ARHGAP12: variants seen among roughly 807,000 people sequenced by gnomAD.
The protein encoded by ARHGAP12 is rho GTPase-activating protein 12.
A neutral mutation model predicts 108.6 loss-of-function variants in ARHGAP12; 64 were observed. The ratio of observed to expected loss-of-function variants is 0.59; its 90% CI spans 0.48 to 0.73. The LOEUF (loss-of-function observed/expected upper bound fraction) is 0.73. Ranked by LOEUF, ARHGAP12 falls within the 30% of genes least tolerant of loss-of-function variation. The pLI is 0.00. For synonymous variants in ARHGAP12, 312 were observed against 337.2 expected (o/e 0.93, Z 0.82); for missense variants, 940 against 1,005.9 (o/e 0.93, Z 0.89).
chr10:31,843,419 A>G, intron 7 of ARHGAP12, 42 bp downstream of exon 7: 1 of 1,579,280 alleles, frequency 6.3e-7, no homozygotes, highest in South Asian at 1.2e-5. Flanking sequence ...TTCACTGTAC[A>G]ATATAATGCA....
intron 1 of ARHGAP12, among the ~76,000 whole-genome samples, chr10:31,921,394 TGC>T (rs1179276263): frequency 6.6e-6 from 1 of 152,156 alleles, no homozygotes; most frequent in Non-Finnish European, 1.5e-5. Context: ...CAGCACTAAA[TGC>T]CAGAAAAAAC....
chr10:31,865,410 G>A (rs1837285740), intron 3 of ARHGAP12, among the ~76,000 whole-genome samples: 1 of 152,214 alleles, frequency 6.6e-6, no homozygotes, highest in East Asian at 1.9e-4. Context: ...TTGTTTTACC[G>A]TGTGTGTAGT....
intron 10 of ARHGAP12, among the ~76,000 whole-genome samples, chr10:31,828,035 T>C (rs1212148375): frequency 6.6e-6 from 1 of 152,194 alleles, no homozygotes; most frequent in African/African-American, 2.4e-5. Flanking sequence ...CTTATGTTTG[T>C]TAATGCTACT....
At chr10:31,887,860 T>C (rs886627586) in intron 3 of ARHGAP12, among the ~76,000 whole-genome samples, 3 of 152,004 alleles carry the variant, frequency 2.0e-5, no homozygotes, top group African/African-American at 4.8e-5. Flanking sequence ...GGTTTCACCA[T>C]GTTAGCCAGG....
intron 6 of ARHGAP12, among the ~76,000 whole-genome samples, chr10:31,850,232 T>C (rs780357997): frequency 6.6e-6 from 1 of 152,218 alleles, no homozygotes; most frequent in Non-Finnish European, 1.5e-5. Flanking sequence ...TATTTAATTA[T>C]TGTATTAATA....
Position 31,918,348 on chromosome 10 carries a change from CA to C in ARHGAP12, c.-110-7786del, listed in dbSNP as rs1243846286. 4.8e-4 allele frequency among the ~76,000 whole-genome samples: 73 copies of C among 151,148 alleles called. 1 individual carries two copies. Among genetic ancestry groups the C allele is most frequent in the Non-Finnish European group, 8.3e-4 (56 of 67,624 alleles). Reference sequence around the variant, plus strand: ...ACACACACACACACACACACACACACACACACACACACCAATGAGATACCAC... The same window carrying C: ...ACACACACACACACACACACACACACCACACACACACCAATGAGATACCAC... On this transcript the variant is annotated intron_variant, in intron 1 of 19. Coordinates refer to ENST00000344936, the MANE Select transcript of ARHGAP12 (RefSeq NM_018287.7).
chr10:31,897,083 G>A (rs1592354046), intron 3 of ARHGAP12, among the ~76,000 whole-genome samples: 1 of 152,110 alleles, frequency 6.6e-6, no homozygotes, highest in Non-Finnish European at 1.5e-5. Context: ...CTTTTGTGGG[G>A]TTTACTTCCA....
chr10:31,861,090 T>C (rs1007206052), intron 4 of ARHGAP12, among the ~76,000 whole-genome samples: 1 of 152,146 alleles, frequency 6.6e-6, no homozygotes, highest in African/African-American at 2.4e-5. Context: ...TAAAATATCA[T>C]CGGCTTGTGC....
At chr10:31,854,990 G>A (rs1337492450) in intron 4 of ARHGAP12, among the ~76,000 whole-genome samples, 1 of 137,598 alleles carries the variant, frequency 7.3e-6, no homozygotes, top group Admixed American at 7.4e-5. Flanking sequence ...AGAACAAGGA[G>A]GAGGAGGAGG....
intron 5 of ARHGAP12, among the ~76,000 whole-genome samples, chr10:31,852,947 C>T (rs139499819): frequency 0.091 from 13,790 of 151,952 alleles, 763 homozygotes; most frequent in Middle Eastern, 0.13. Context: ...AGGCTGGTAT[C>T]GAAATCCTGA....
chr10:31,813,023 A>G (rs1347360215), intron 14 of ARHGAP12, among the ~76,000 whole-genome samples, 200 bp from the exon 15 acceptor site: 1 of 152,150 alleles, frequency 6.6e-6, no homozygotes, highest in Non-Finnish European at 1.5e-5. Context: ...TTATAAACCA[A>G]ACAAAACATT....
chr10:31,828,821 A>T (rs2808102), intron 10 of ARHGAP12, among the ~76,000 whole-genome samples: 70,102 of 151,932 alleles, frequency 0.46, 16,465 homozygotes, highest in Admixed American at 0.51. Context: ...TTCAAAGAAA[A>T]CAAATAATAT....
chr10:31,904,087 G>C (rs1198709028), intron 3 of ARHGAP12, among the ~76,000 whole-genome samples: 1 of 152,134 alleles, frequency 6.6e-6, no homozygotes, highest in South Asian at 2.1e-4. Context: ...ACTACTTTAT[G>C]AACAGCAATT....
At chr10:31,818,613 T>C (rs1243564414) in intron 12 of ARHGAP12, among the ~76,000 whole-genome samples, 2 of 152,320 alleles carry the variant, frequency 1.3e-5, no homozygotes, top group South Asian at 2.1e-4. Flanking sequence ...GAGGAAGATA[T>C]GGCAATGCTT....
chr10:31,861,281 A>G, intron 4 of ARHGAP12, 114 bp downstream of exon 4: 2 of 1,232,268 alleles, frequency 1.6e-6, no homozygotes, highest in South Asian at 1.5e-5. Flanking sequence ...GATCTTAGAG[A>G]TCACGTGTTT....
chr10:31,927,447 C>G lies in ARHGAP12; in HGVS notation c.-111+1236G>C, dbSNP rs558032222. On this transcript the variant is annotated intron_variant, in intron 1 of 19. Transcript: ENST00000344936. ...TGAAACACCCGGAGTCTCCCAAGGTCTAACCTCTAGAAGTCGGGTGGCAGA... is the reference window on the plus strand; with the variant it reads ...TGAAACACCCGGAGTCTCCCAAGGTGTAACCTCTAGAAGTCGGGTGGCAGA... Among the ~76,000 whole-genome samples, 60 of 152,180 alleles carry G rather than the reference C, an allele frequency of 3.9e-4. 1 individual carries two copies. Among genetic ancestry groups the G allele is most frequent in the Non-Finnish European group, 8.4e-4 (57 of 68,032 alleles).
intron 12 of ARHGAP12, among the ~76,000 whole-genome samples, chr10:31,818,505 T>TTAA (rs1438758721): frequency 5.3e-5 from 8 of 152,206 alleles, no homozygotes; most frequent in African/African-American, 1.9e-4. Flanking sequence ...GTACAATCTC[T>TTAA]GTTTTGCAGT....
At chr10:31,818,947 T>C (rs577475338) in intron 12 of ARHGAP12, among the ~76,000 whole-genome samples, 29 of 152,286 alleles carry the variant, frequency 1.9e-4, no homozygotes, top group Middle Eastern at 6.8e-3. Context: ...TGCACTTTTC[T>C]AGTGTTGGTC....
In ARHGAP12 at chr10:31,912,983, T is replaced by G. The variant is rs181713117; in HGVS notation, c.-110-2420A>C. Among the ~76,000 whole-genome samples the G allele has an allele frequency of 5.4e-3, 828 of 152,332 alleles. 13 individuals carry two copies. The highest frequency in any genetic ancestry group is 0.019 in the African/African-American group (788 of 41,574). ...CCCATTATATAGGTCATCTCTTCAT[T>G]CTGTTGACTGTTTCCCTTGCCACGC... On this transcript the variant is annotated intron_variant, in intron 1 of 19. Coordinates refer to ENST00000344936, the MANE Select transcript of ARHGAP12 (RefSeq NM_018287.7).
Sources: gnomAD v4.1 joint callset for allele counts (sites outside exome capture counted in the v4.1 genomes callset) on GRCh38, gnomAD v4.1.1 for gene constraint, MANE v1.5 for transcripts, NCBI Gene and HGNC (gene_info 2026-07-23, HGNC 2026-07-21) for gene names.